Variants in NOL4 observed in about 807,000 individuals in gnomAD.
The protein encoded by NOL4 is nucleolar protein 4.
NOL4 carries 17 observed loss-of-function variants against 75.9 expected under a neutral mutation model. The ratio of observed to expected loss-of-function variants is 0.22; its 90% CI spans 0.15 to 0.34. NOL4 has a LOEUF of 0.34. NOL4 is among the 10% of genes least tolerant of loss of function. The probability of loss-of-function intolerance (pLI) is 1.00; values close to 1 mark genes in which losing one functional copy is unlikely to be tolerated. For synonymous variants in NOL4, 292 were observed against 289.9 expected (o/e 1.01, Z -0.07); for missense variants, 614 against 793.5 (o/e 0.77, Z 2.72).
At chr18:34,058,570 C>G (rs758325571) in intron 5 of NOL4, among the ~76,000 whole-genome samples, 16 of 152,154 alleles carry the variant, frequency 1.1e-4, no homozygotes, top group Admixed American at 7.2e-4. Context: ...CATTTACCAT[C>G]TGGGTGTAAT....
intron 8 of NOL4, among the ~76,000 whole-genome samples, chr18:33,944,684 A>T (rs1219287150): frequency 6.6e-6 from 1 of 151,932 alleles, no homozygotes; most frequent in African/African-American, 2.4e-5. Context: ...CAGGAAAAAA[A>T]TGCAATATAA....
At chr18:33,970,459 T>C (rs964530654) in intron 6 of NOL4, among the ~76,000 whole-genome samples, 3 of 152,152 alleles carry the variant, frequency 2.0e-5, no homozygotes, top group African/African-American at 4.8e-5. Flanking sequence ...TTCATTATTT[T>C]GGCTTCATGT....
intron 9 of NOL4, among the ~76,000 whole-genome samples, chr18:33,937,440 C>T (rs1316237603): frequency 6.6e-6 from 1 of 152,142 alleles, no homozygotes; most frequent in Non-Finnish European, 1.5e-5. Flanking sequence ...TGGCAGCAAG[C>T]AGTCAGATGA....
chr18:34,195,675 T>C (rs1335493388), intron 1 of NOL4, among the ~76,000 whole-genome samples: 1 of 152,052 alleles, frequency 6.6e-6, no homozygotes, highest in Non-Finnish European at 1.5e-5. Context: ...TGTACCGGTG[T>C]GTGCCAAATA....
chr18:33,905,745 C>A (rs1238283344), intron 9 of NOL4, among the ~76,000 whole-genome samples: 1 of 152,132 alleles, frequency 6.6e-6, no homozygotes, highest in African/African-American at 2.4e-5. Context: ...AAGTTCCATG[C>A]TTCTTTCTTA....
intron 9 of NOL4, among the ~76,000 whole-genome samples, chr18:33,894,204 T>C (rs1491002037): frequency 6.6e-6 from 1 of 152,072 alleles, no homozygotes; most frequent in East Asian, 1.9e-4. Flanking sequence ...TTCATAGAAA[T>C]TCTGCGAGAT....
At chr18:34,149,309 AAAG>A (rs1457705599) in intron 1 of NOL4, among the ~76,000 whole-genome samples, 1 of 151,722 alleles carries the variant, frequency 6.6e-6, no homozygotes, top group African/African-American at 2.4e-5. Context: ...AGAAATGCCA[AAAG>A]AATAAAAATC....
chr18:34,002,082 T>C (rs2073753333), intron 6 of NOL4, among the ~76,000 whole-genome samples: 1 of 152,104 alleles, frequency 6.6e-6, no homozygotes, highest in Non-Finnish European at 1.5e-5. Context: ...CTTAGATTAT[T>C]TCAAAGGCAT....
intron 9 of NOL4, among the ~76,000 whole-genome samples, chr18:33,916,710 T>C (rs2066742086): frequency 6.6e-6 from 1 of 152,222 alleles, no homozygotes; most frequent in Non-Finnish European, 1.5e-5. Context: ...AAACGTTGTA[T>C]AATAATTGCT....
intron 5 of NOL4, among the ~76,000 whole-genome samples, chr18:34,034,467 G>T (rs1314827628): frequency 6.6e-6 from 1 of 152,176 alleles, no homozygotes; most frequent in Non-Finnish European, 1.5e-5. Context: ...AGCCAGACAC[G>T]GTGGCTCATG....
At chr18:34,057,455 C>G (rs962323702) in intron 5 of NOL4, among the ~76,000 whole-genome samples, 1 of 152,112 alleles carries the variant, frequency 6.6e-6, no homozygotes, top group Non-Finnish European at 1.5e-5. Flanking sequence ...GTGCCATTGT[C>G]CTGACCTGGT....
chr18:34,007,921 T>C (rs1377704900), intron 6 of NOL4, among the ~76,000 whole-genome samples: 1 of 151,944 alleles, frequency 6.6e-6, no homozygotes, highest in Non-Finnish European at 1.5e-5. Flanking sequence ...ATTTTCTGAG[T>C]CAACTAGACT....
intron 1 of NOL4, among the ~76,000 whole-genome samples, chr18:34,142,258 T>C (rs561643515): frequency 6.6e-6 from 1 of 152,314 alleles, no homozygotes; most frequent in South Asian, 2.1e-4. Context: ...TCAACCACTG[T>C]GGAAGTCAGT....
At chr18:34,010,689 C>G (rs1048972414) in intron 6 of NOL4, among the ~76,000 whole-genome samples, 1 of 151,802 alleles carries the variant, frequency 6.6e-6, no homozygotes, top group African/African-American at 2.4e-5. Flanking sequence ...TGAGGGTTCT[C>G]TTTTCTCCAT....
At chr18:33,897,825 TA>T (rs565767002) in intron 9 of NOL4, among the ~76,000 whole-genome samples, 10 of 152,056 alleles carry the variant, frequency 6.6e-5, no homozygotes, top group South Asian at 2.1e-4. Flanking sequence ...TTTCTTTCAT[TA>T]AAAAAAACTA....
intron 1 of NOL4, among the ~76,000 whole-genome samples, chr18:34,169,133 C>T (rs2032748947): frequency 6.6e-6 from 1 of 151,542 alleles, no homozygotes; most frequent in Non-Finnish European, 1.5e-5. Flanking sequence ...AGAAGAGCAC[C>T]AGAAATAGTA....
At chr18:34,138,137 T>A (rs1220079577) in intron 1 of NOL4, among the ~76,000 whole-genome samples, 1 of 152,090 alleles carries the variant, frequency 6.6e-6, no homozygotes, top group Non-Finnish European at 1.5e-5. Flanking sequence ...TAGGGCCAGA[T>A]GTGGTGGCTC....
At position 34,137,779 on chromosome 18, in the gene NOL4, TAC is replaced by T. The variant is rs1156472289; in HGVS notation, c.265-7761_265-7760del. ...AAGCCAAAATCATGTATATACGAAA[TAC>T]ACACACACACACACACACACACACA... is the stretch of plus-strand genomic sequence containing the variant. On this transcript the variant is annotated intron_variant, in intron 1 of 10. Transcript: ENST00000261592. Among the ~76,000 whole-genome samples the T allele has an allele frequency of 2.3e-3, 332 of 147,120 alleles. 4 individuals carry two copies. Among genetic ancestry groups the T allele is most frequent in the Admixed American group, 0.014 (211 of 14,690 alleles).
chr18:34,108,846 C>T lies in NOL4; in HGVS notation c.415-3686G>A, dbSNP rs982651460. Among the ~76,000 whole-genome samples the T allele has an allele frequency of 1.1e-4, 16 of 152,088 alleles. No homozygotes were observed. The South Asian group carries it at 2.3e-3, about 22-fold the overall frequency. On this transcript the variant is annotated intron_variant, in intron 2 of 10. Coordinates refer to ENST00000261592, the MANE Select transcript of NOL4 (RefSeq NM_003787.5). ...GAACAACACTAGAAACTGAATGAAC[C>T]TAATGGACATATACAAAACTTATCA... is the stretch of plus-strand genomic sequence containing the variant.
Sources: gnomAD v4.1 joint callset for allele counts (sites outside exome capture counted in the v4.1 genomes callset) on GRCh38, gnomAD v4.1.1 for gene constraint, MANE v1.5 for transcripts, NCBI Gene and HGNC (gene_info 2026-07-23, HGNC 2026-07-21) for gene names.